GRK4: variants seen among roughly 807,000 people sequenced by gnomAD.
GRK4 encodes G protein-coupled receptor kinase 2-like.
A neutral mutation model predicts 77.9 loss-of-function variants in GRK4; 73 were observed. That is an observed-to-expected ratio of 0.94 (90% CI 0.78 to 1.14). The LOEUF (loss-of-function observed/expected upper bound fraction) is 1.14. Ranked by LOEUF, GRK4 falls within the 50% of genes most tolerant of loss-of-function variation. The probability of loss-of-function intolerance (pLI) is 0.00; values close to 1 mark genes in which losing one functional copy is unlikely to be tolerated. For missense variants in GRK4, 729 were observed against 700.2 expected (o/e 1.04, Z -0.46); for synonymous variants, 257 against 254.4 (o/e 1.01, Z -0.10).
At chr4:3,019,467 T>G (rs999306171) in intron 8 of GRK4, among the ~76,000 whole-genome samples, 174 bp from the exon 9 acceptor site, 5 of 152,228 alleles carry the variant, frequency 3.3e-5, no homozygotes, top group African/African-American at 1.2e-4. Context: ...ATCTTCAGCA[T>G]GCCAAGGTCC....
At chr4:3,021,010 A>G (rs1048401294) in intron 9 of GRK4, among the ~76,000 whole-genome samples, 3 of 152,144 alleles carry the variant, frequency 2.0e-5, no homozygotes, top group African/African-American at 4.8e-5. Context: ...ACCATTTTAT[A>G]TCAGGGACTT....
At chr4:3,016,420 A>G (rs1734503869) in intron 8 of GRK4, among the ~76,000 whole-genome samples, 1 of 151,562 alleles carries the variant, frequency 6.6e-6, no homozygotes, top group Admixed American at 6.6e-5. Context: ...TGGGTGGCTG[A>G]GACAGGAGAA....
chr4:2,977,701 A>G (rs1192393465), intron 1 of GRK4, among the ~76,000 whole-genome samples: 1 of 152,226 alleles, frequency 6.6e-6, no homozygotes, highest in East Asian at 1.9e-4. Context: ...CCTCCTGTGG[A>G]TCTCGGTCCA....
chr4:3,032,523 G>A (rs1739457057), intron 12 of GRK4, among the ~76,000 whole-genome samples: 1 of 152,174 alleles, frequency 6.6e-6, no homozygotes, highest in South Asian at 2.1e-4. Flanking sequence ...GTCGTAAGTG[G>A]ATAGAAACAA....
intron 1 of GRK4, among the ~76,000 whole-genome samples, chr4:2,974,298 G>T (rs1720461655): frequency 6.6e-6 from 1 of 152,200 alleles, no homozygotes; most frequent in African/African-American, 2.4e-5. Context: ...TTTGTTCACT[G>T]CTGTATTTTT....
chr4:3,027,129 T>C (rs1737805275), intron 10 of GRK4, among the ~76,000 whole-genome samples: 1 of 152,238 alleles, frequency 6.6e-6, no homozygotes, highest in Non-Finnish European at 1.5e-5. Context: ...AGCCTCGACC[T>C]TCTGGGCTTA....
At chr4:3,017,615 TG>T (rs1215991170) in intron 8 of GRK4, among the ~76,000 whole-genome samples, 1 of 152,216 alleles carries the variant, frequency 6.6e-6, no homozygotes, top group African/African-American at 2.4e-5. Context: ...GCATGCCGGC[TG>T]GGGCCTCCTC....
intron 6 of GRK4, among the ~76,000 whole-genome samples, chr4:3,008,096 T>A (rs1731846735): frequency 1.3e-5 from 2 of 152,248 alleles, no homozygotes; most frequent in Admixed American, 1.3e-4. Flanking sequence ...CGTAGACTTT[T>A]CCATCTGTCA....
At chr4:3,034,093 A>C (rs1280886263) in intron 12 of GRK4, among the ~76,000 whole-genome samples, 3 of 152,172 alleles carry the variant, frequency 2.0e-5, no homozygotes, top group Non-Finnish European at 4.4e-5. Flanking sequence ...CTTGTCATCG[A>C]GGAGAGGTGG....
chr4:3,016,864 C>T (rs142529272), intron 8 of GRK4, among the ~76,000 whole-genome samples: 1 of 152,176 alleles, frequency 6.6e-6, no homozygotes, highest in Non-Finnish European at 1.5e-5. Flanking sequence ...TATCGTTGGC[C>T]TCTCCCAAGG....
At chr4:3,005,805 C>CATAAATAA (rs546295668) in intron 5 of GRK4, among the ~76,000 whole-genome samples, 1 of 151,842 alleles carries the variant, frequency 6.6e-6, no homozygotes, top group African/African-American at 2.4e-5. Context: ...GACTCTGTCT[C>CATAAATAA]ATAAATAAAT....
intron 5 of GRK4, among the ~76,000 whole-genome samples, chr4:3,007,083 TC>T (rs1409827965): frequency 6.6e-6 from 1 of 152,046 alleles, no homozygotes; most frequent in Non-Finnish European, 1.5e-5. Context: ...ACACCTGTAG[TC>T]CCAGTGCTTT....
intron 8 of GRK4, among the ~76,000 whole-genome samples, chr4:3,017,255 C>G (rs1401543219): frequency 6.6e-6 from 1 of 152,236 alleles, no homozygotes; most frequent in East Asian, 1.9e-4. Flanking sequence ...TGACTGCACT[C>G]TGCCTGAAGC....
At chr4:3,019,994 A>T (rs1735628087) in intron 9 of GRK4, among the ~76,000 whole-genome samples, 163 bp downstream of exon 9, 1 of 152,042 alleles carries the variant, frequency 6.6e-6, no homozygotes, top group Non-Finnish European at 1.5e-5. Context: ...TATTGGAAAT[A>T]TGGCCAGTCA....
chr4:3,038,491 T>C lies in GRK4; in HGVS notation c.1661T>C (p.Phe554Ser). The C allele has an allele frequency of 6.2e-7, 1 of 1,613,720 alleles. No homozygotes were observed. The highest frequency in any genetic ancestry group is 8.5e-7 in the Non-Finnish European group (1 of 1,179,970). The change falls in exon 15 of 16, where the codon TTC becomes TCC. Residue 554 changes from phenylalanine to serine, a missense_variant. Physicochemically the swap from Phe to Ser is radical, Grantham distance 155. Coordinates refer to ENST00000398052, the MANE Select transcript of GRK4 (RefSeq NM_182982.3). The part of the protein sequence containing the change: ...TPVSRPNRGF[F>S]YRLFRRGGCL... ...GTTTCCAGACCAAACAGAGGCTTCT[T>C]CTATAGACTCTTCAGAAGAGGGGTA...
At chr4:3,035,900 T>C (rs1740489718) in intron 13 of GRK4, among the ~76,000 whole-genome samples, 1 of 152,186 alleles carries the variant, frequency 6.6e-6, no homozygotes, top group African/African-American at 2.4e-5. Context: ...AGCGGTGCTC[T>C]AGCTCCCTGC....
intron 2 of GRK4, among the ~76,000 whole-genome samples, chr4:2,988,363 T>C (rs1237041836): frequency 6.6e-6 from 1 of 152,182 alleles, no homozygotes; most frequent in African/African-American, 2.4e-5. Flanking sequence ...TGTAAACTTT[T>C]AGAGAAATGT....
chr4:2,996,370 G>C (rs572064196), intron 4 of GRK4, among the ~76,000 whole-genome samples: 2 of 152,240 alleles, frequency 1.3e-5, no homozygotes, highest in Admixed American at 6.5e-5. Context: ...TCCTGGCCAA[G>C]ATGGTGAAAC....
chr4:3,011,804 G>A (rs1469892613), intron 7 of GRK4, among the ~76,000 whole-genome samples: 1 of 152,164 alleles, frequency 6.6e-6, no homozygotes, highest in East Asian at 1.9e-4. Flanking sequence ...TAATTCTTTC[G>A]CTTATGCTTG....
Sources: gnomAD v4.1 joint callset for allele counts (sites outside exome capture counted in the v4.1 genomes callset) on GRCh38, gnomAD v4.1.1 for gene constraint, MANE v1.5 for transcripts, NCBI Gene and HGNC (gene_info 2026-07-23, HGNC 2026-07-21) for gene names.